Variants in ITPRID1 observed in about 807,000 individuals in gnomAD.
ITPRID1 encodes the protein protein ITPRID1.
A neutral mutation model predicts 95.4 loss-of-function variants in ITPRID1; 96 were observed. The observed-to-expected ratio is 1.01, with a 90% CI of 0.85 to 1.19. ITPRID1 has a LOEUF of 1.19. Ranked by LOEUF, ITPRID1 falls within the 50% of genes most tolerant of loss-of-function variation. ITPRID1 has a pLI of 0.00. For missense variants in ITPRID1, 1,339 were observed against 1,252.9 expected (o/e 1.07, Z -1.04); for synonymous variants, 510 against 453.6 (o/e 1.12, Z -1.58).
intron 5 of ITPRID1, among the ~76,000 whole-genome samples, chr7:31,559,467 C>T (rs1006305151): frequency 6.6e-6 from 1 of 152,084 alleles, no homozygotes; most frequent in Non-Finnish European, 1.5e-5. Context: ...TCAAGATCAG[C>T]CTGGCCAACA....
chr7:31,529,537 A>G, intron 1 of ITPRID1: 1 of 456,278 alleles, frequency 2.2e-6, no homozygotes, highest in South Asian at 5.8e-5. Context: ...CATTTTTACC[A>G]CTTTCTTTCT....
intron 1 of ITPRID1, among the ~76,000 whole-genome samples, chr7:31,539,710 G>A (rs1783870969): frequency 6.6e-6 from 1 of 152,168 alleles, no homozygotes; most frequent in South Asian, 2.1e-4. Flanking sequence ...TTTTGGTCAG[G>A]TGCACTTTCT....
chr7:31,540,893 C>A (rs1446036319), intron 1 of ITPRID1, among the ~76,000 whole-genome samples: 1 of 152,144 alleles, frequency 6.6e-6, no homozygotes, highest in Non-Finnish European at 1.5e-5. Flanking sequence ...TTTCCAAGGG[C>A]TTTATTGCCT....
intron 12 of ITPRID1, among the ~76,000 whole-genome samples, chr7:31,648,161 G>A (rs1294768643): frequency 6.6e-6 from 1 of 152,212 alleles, no homozygotes; most frequent in Non-Finnish European, 1.5e-5. Context: ...AAAAGTAAAA[G>A]TACACAAATA....
chr7:31,650,415 C>A (rs73686910), intron 12 of ITPRID1, among the ~76,000 whole-genome samples: 4,993 of 152,042 alleles, frequency 0.033, 296 homozygotes, highest in African/African-American at 0.11. Flanking sequence ...TCAGGAGCTG[C>A]AGGAATATAT....
intron 9 of ITPRID1, 24 bp downstream of exon 9, chr7:31,578,458 GCCT>G: frequency 6.5e-7 from 1 of 1,527,032 alleles, no homozygotes; most frequent in South Asian, 1.3e-5. Flanking sequence ...CAACGTACCA[GCCT>G]CCTAAGGGAA....
At chr7:31,641,941 C>T (rs1790054607) in intron 10 of ITPRID1, among the ~76,000 whole-genome samples, 1 of 152,156 alleles carries the variant, frequency 6.6e-6, no homozygotes, top group Non-Finnish European at 1.5e-5. Flanking sequence ...ATTAGTTTCT[C>T]TTCCTTCGTT....
chr7:31,596,165 T>C (rs1786081137), intron 10 of ITPRID1, among the ~76,000 whole-genome samples: 1 of 151,192 alleles, frequency 6.6e-6, no homozygotes, highest in African/African-American at 2.4e-5. Flanking sequence ...AGTAACATAA[T>C]AGAAAAGATA....
chr7:31,574,514 A>G (rs1288992490), intron 7 of ITPRID1, 26 bp from the exon 8 acceptor site: 2 of 1,601,144 alleles, frequency 1.2e-6, no homozygotes, highest in African/African-American at 1.3e-5. Context: ...GTTTCTGGAT[A>G]AAGATATTCA....
At position 31,572,091 on chromosome 7, in the gene ITPRID1, C is replaced by T; in HGVS notation, c.309-11C>T. 1 of 1,571,214 alleles carries T rather than the reference C, an allele frequency of 6.4e-7. No homozygotes were observed. The highest frequency in any genetic ancestry group is 8.7e-7 in the Non-Finnish European group (1 of 1,143,298). On this transcript the variant is annotated splice_polypyrimidine_tract_variant and intron_variant, in intron 6 of 14. Coordinates refer to ENST00000615280, the MANE Select transcript of ITPRID1 (RefSeq NM_001257967.3). Reference sequence around the variant, plus strand: ...CAACACATCTCATTGTTGATATTTTCCCAACTGTAGATCTTTGCATCAGTT... The same window carrying T: ...CAACACATCTCATTGTTGATATTTTTCCAACTGTAGATCTTTGCATCAGTT...
intron 5 of ITPRID1, among the ~76,000 whole-genome samples, chr7:31,567,330 A>G (rs1274466027): frequency 1.3e-5 from 2 of 152,178 alleles, no homozygotes; most frequent in African/African-American, 4.8e-5. Context: ...TATGTACCCC[A>G]TCTTACCCTG....
intron 10 of ITPRID1, among the ~76,000 whole-genome samples, chr7:31,600,076 A>C (rs1786328920): frequency 6.6e-6 from 1 of 152,200 alleles, no homozygotes. Context: ...GATTTAACAA[A>C]AAAAGTCAGT....
At chr7:31,575,438 C>T (rs1785145974) in intron 8 of ITPRID1, among the ~76,000 whole-genome samples, 1 of 152,158 alleles carries the variant, frequency 6.6e-6, no homozygotes. Context: ...TCAATGTAAT[C>T]CTTTTCTCTA....
chr7:31,526,818 A>G (rs1783437062), intron 1 of ITPRID1, among the ~76,000 whole-genome samples: 1 of 152,044 alleles, frequency 6.6e-6, no homozygotes, highest in Non-Finnish European at 1.5e-5. Flanking sequence ...TCACCATAAT[A>G]TCTTACCTGG....
chr7:31,575,784 A>T (rs1785159590), intron 8 of ITPRID1, among the ~76,000 whole-genome samples: 1 of 152,232 alleles, frequency 6.6e-6, no homozygotes, highest in South Asian at 2.1e-4. Flanking sequence ...GTTTTTCTCA[A>T]GCAATTATCT....
chr7:31,602,873 C>T (rs559949763), intron 10 of ITPRID1, among the ~76,000 whole-genome samples: 53 of 151,968 alleles, frequency 3.5e-4, no homozygotes, highest in Non-Finnish European at 6.5e-4. Flanking sequence ...GTACCCCCTG[C>T]ATCTCCCCAC....
Position 31,575,163 on chromosome 7 carries a change from C to T in ITPRID1, c.598+421C>T, listed in dbSNP as rs573315216. Among the ~76,000 whole-genome samples the T allele has an allele frequency of 1.8e-3, 269 of 152,238 alleles. 1 individual carries two copies. The highest frequency in any genetic ancestry group is 6.0e-3 in the African/African-American group (251 of 41,544). Reference sequence around the variant, plus strand: ...GGAATGTACAACCCTACCAATTGCCCAGAAGGAGGAAAGCTGGCAGTAATG... The same window carrying T: ...GGAATGTACAACCCTACCAATTGCCTAGAAGGAGGAAAGCTGGCAGTAATG... On this transcript the variant is annotated intron_variant, in intron 8 of 14. Transcript: ENST00000615280.
Position 31,528,848 on chromosome 7 carries a change from A to G in ITPRID1, c.-98+14728A>G, listed in dbSNP as rs1783502628. Among the ~76,000 whole-genome samples, 3 of 152,202 alleles carry G rather than the reference A, an allele frequency of 2.0e-5. No individual in the cohort carries two copies. In the South Asian group the frequency reaches 6.2e-4, roughly 31 times the overall value. On this transcript the variant is annotated intron_variant, in intron 1 of 14. Coordinates refer to ENST00000615280, the MANE Select transcript of ITPRID1 (RefSeq NM_001257967.3). Reference sequence around the variant, plus strand: ...TGAAATATAATTTGAAATGCACAAGATCTTTTACATCATTTTAAACTCTAA... The same window carrying G: ...TGAAATATAATTTGAAATGCACAAGGTCTTTTACATCATTTTAAACTCTAA...
In ITPRID1 at chr7:31,578,370, C is replaced by G. The variant is rs771315477; in HGVS notation, c.1106C>G (p.Thr369Ser). 6.2e-7 allele frequency: 1 copy of G among 1,613,698 alleles called. No individual in the cohort carries two copies. The highest frequency in any genetic ancestry group is 1.7e-5 in the Admixed American group (1 of 59,984). ...GRTQKENLFQTNKLKSLSHLA... is the reference protein window; with the variant it reads ...GRTQKENLFQSNKLKSLSHLA... ...ACTCAGAAGGAGAACTTATTTCAGA[C>G]TAACAAGCTCAAGAGCTTGTCTCAT... is the stretch of plus-strand genomic sequence containing the variant. Residue 369 changes from threonine to serine, a missense_variant, in exon 9 of 15, where the codon ACT becomes AGT. By Grantham distance (58) the Thr-to-Ser change is moderately conservative. Transcript: ENST00000615280.
Sources: gnomAD v4.1 joint callset for allele counts (sites outside exome capture counted in the v4.1 genomes callset) on GRCh38, gnomAD v4.1.1 for gene constraint, MANE v1.5 for transcripts, NCBI Gene and HGNC (gene_info 2026-07-23, HGNC 2026-07-21) for gene names.